The following SLCO5A1 variants were observed in gnomAD, a reference collection of about 807,000 sequenced individuals.
SLCO5A1 encodes the protein solute carrier organic anion transporter family member 5A1.
In SLCO5A1, 39 loss-of-function variants were observed where a neutral mutation model predicts 65.1. The ratio of observed to expected loss-of-function variants is 0.60; its 90% CI spans 0.46 to 0.78. SLCO5A1 has a LOEUF of 0.78. Among genes scored for constraint, SLCO5A1 ranks in the 30% least tolerant of loss-of-function variants. The pLI is 0.00. For synonymous variants in SLCO5A1, 438 were observed against 415.7 expected, an observed-to-expected ratio of 1.05 and a Z score of -0.65; for missense variants, 1,029 against 1,069.4, an observed-to-expected ratio of 0.96 and a Z score of 0.53.
At chr8:69,795,857 AG>A (rs1648430666) in intron 2 of SLCO5A1, among the ~76,000 whole-genome samples, 2 of 152,232 alleles carry the variant, frequency 1.3e-5, no homozygotes, top group African/African-American at 2.4e-5. Flanking sequence ...TCTGAAATCT[AG>A]GTGGAGGCTC....
At chr8:69,710,044 G>GTTT in intron 5 of SLCO5A1, among the ~76,000 whole-genome samples, 1 of 95,114 alleles carries the variant, frequency 1.1e-5, no homozygotes, top group African/African-American at 4.2e-5. Context: ...TTTAGACAGA[G>GTTT]TTTCACTCTT....
chr8:69,825,665 G>A (rs1820853322), intron 2 of SLCO5A1, among the ~76,000 whole-genome samples: 1 of 152,110 alleles, frequency 6.6e-6, no homozygotes, highest in Non-Finnish European at 1.5e-5. Context: ...CCATGCTCAT[G>A]GGTAGGAAGA....
chr8:69,820,668 C>CA (rs980892843), intron 2 of SLCO5A1, among the ~76,000 whole-genome samples: 19 of 150,902 alleles, frequency 1.3e-4, no homozygotes, highest in African/African-American at 3.9e-4. Context: ...CATGTCTCTA[C>CA]AAAAAAATAT....
At chr8:69,824,180 A>C (rs1820769974) in intron 2 of SLCO5A1, among the ~76,000 whole-genome samples, 1 of 152,090 alleles carries the variant, frequency 6.6e-6, no homozygotes, top group Non-Finnish European at 1.5e-5. Flanking sequence ...AGCAGGAAAG[A>C]TCCAAAATTG....
chr8:69,708,732 C>T (rs371051730), intron 5 of SLCO5A1, among the ~76,000 whole-genome samples: 2 of 151,958 alleles, frequency 1.3e-5, no homozygotes, highest in East Asian at 3.9e-4. Context: ...GGAGAAACCC[C>T]GTCACTACTA....
chr8:69,772,699 C>T (rs1284804773), intron 2 of SLCO5A1, among the ~76,000 whole-genome samples: 2 of 151,694 alleles, frequency 1.3e-5, no homozygotes, highest in African/African-American at 4.9e-5. Flanking sequence ...AGCCAGGGAG[C>T]CATGGGCCTC....
At chr8:69,685,245 G>A (rs1207630468) in intron 6 of SLCO5A1, among the ~76,000 whole-genome samples, 1 of 152,152 alleles carries the variant, frequency 6.6e-6, no homozygotes, top group Non-Finnish European at 1.5e-5. Context: ...GAATAATCAT[G>A]TCCTGTCTGA....
chr8:69,708,094 G>T (rs141203583), intron 5 of SLCO5A1, among the ~76,000 whole-genome samples: 5 of 152,254 alleles, frequency 3.3e-5, no homozygotes, highest in African/African-American at 1.2e-4. Context: ...ATGTTAATGG[G>T]GTATCATAAA....
chr8:69,734,755 A>G (rs1488550180), intron 5 of SLCO5A1, among the ~76,000 whole-genome samples: 1 of 152,244 alleles, frequency 6.6e-6, no homozygotes, highest in Admixed American at 6.5e-5. Flanking sequence ...AAGTGAAAAG[A>G]GAATTTGAAC....
chr8:69,767,913 A>AT (rs370355198), intron 2 of SLCO5A1, among the ~76,000 whole-genome samples: 1 of 133,288 alleles, frequency 7.5e-6, no homozygotes, highest in South Asian at 2.4e-4. Context: ...AAAAAAAAAC[A>AT]AAAAGAAAAA....
chr8:69,784,871 AGG>A (rs1238480160), intron 2 of SLCO5A1, among the ~76,000 whole-genome samples: 1,071 of 90,832 alleles, frequency 0.012, 5 homozygotes, highest in African/African-American at 0.017. Context: ...AAGGGAAGGA[AGG>A]AGAAAGAAAG....
At chr8:69,807,453 C>T (rs1820042863) in intron 2 of SLCO5A1, among the ~76,000 whole-genome samples, 1 of 152,156 alleles carries the variant, frequency 6.6e-6, no homozygotes, top group South Asian at 2.1e-4. Context: ...AAACTTATTC[C>T]TTCTGTTTAA....
rs999444738 is a variant in SLCO5A1, at chr8:69,669,364, C to G, written c.*3505G>C. ...TCTCACGATTTTATAGTCACCTTGCCTTTGTTAACCAAAAGCTATTGTATA... is the reference window on the plus strand; with the variant it reads ...TCTCACGATTTTATAGTCACCTTGCGTTTGTTAACCAAAAGCTATTGTATA... On this transcript the variant is annotated 3_prime_UTR_variant, in exon 10 of 10. Transcript: ENST00000260126. 1 of 152,022 alleles carries G rather than the reference C, an allele frequency of 6.6e-6. No individual in the cohort carries two copies. Among genetic ancestry groups the G allele is most frequent in the Non-Finnish European group, 1.5e-5 (1 of 68,018 alleles). The allele number at this position is 152,022 out of a possible 1,614,324, so 9.4% of individuals were successfully genotyped here.
rs575674964 is a variant in SLCO5A1, at chr8:69,742,158, G to A, written c.1259-3954C>T. Among the ~76,000 whole-genome samples, 43 of 152,262 alleles carry A rather than the reference G, an allele frequency of 2.8e-4. 1 individual carries two copies. The highest frequency in any genetic ancestry group is 5.0e-4 in the Non-Finnish European group (34 of 68,012). On this transcript the variant is annotated intron_variant, in intron 4 of 9. Coordinates refer to ENST00000260126, the MANE Select transcript of SLCO5A1 (RefSeq NM_030958.3). ...TTAACAATTGGGGAATCAGGATGTA[G>A]GGTACACTGGTGCCCTGTGCTATTT...
intron 2 of SLCO5A1, among the ~76,000 whole-genome samples, chr8:69,789,699 C>G (rs1819187351): frequency 6.6e-6 from 1 of 152,036 alleles, no homozygotes; most frequent in African/African-American, 2.4e-5. Flanking sequence ...GTCTTATCAC[C>G]AAAAATTAAC....
intron 2 of SLCO5A1, among the ~76,000 whole-genome samples, chr8:69,826,874 A>G (rs1364537203): frequency 6.6e-6 from 1 of 152,138 alleles, no homozygotes; most frequent in African/African-American, 2.4e-5. Flanking sequence ...ACTATTCACA[A>G]TAGCAAAGAC....
intron 2 of SLCO5A1, chr8:69,794,279 G>A (rs1298630955): frequency 5.8e-5 from 28 of 480,224 alleles, no homozygotes; most frequent in Middle Eastern, 6.7e-4. Flanking sequence ...TTGCTGAATG[G>A]GGAGAAGTTC....
chr8:69,718,772 T>C (rs1276705125), intron 5 of SLCO5A1, among the ~76,000 whole-genome samples: 2 of 152,176 alleles, frequency 1.3e-5, no homozygotes, highest in East Asian at 3.8e-4. Flanking sequence ...TAAAAGTAAC[T>C]AAAATTCCTG....
chr8:69,716,982 G>T (rs541553730), intron 5 of SLCO5A1, among the ~76,000 whole-genome samples: 17 of 152,094 alleles, frequency 1.1e-4, no homozygotes, highest in Admixed American at 9.8e-4. Context: ...GTATCCCTGT[G>T]TTGCCCAGGC....
Sources: gnomAD v4.1 joint callset for allele counts (sites outside exome capture counted in the v4.1 genomes callset) on GRCh38, gnomAD v4.1.1 for gene constraint, MANE v1.5 for transcripts, NCBI Gene and HGNC (gene_info 2026-07-23, HGNC 2026-07-21) for gene names.